The following TRIM54 variants were observed in gnomAD, a reference collection of about 807,000 sequenced individuals.
The protein encoded by TRIM54 is tripartite motif containing 54.
In TRIM54, 40 loss-of-function variants were observed where a neutral mutation model predicts 42.0. The observed-to-expected ratio is 0.95, with a 90% CI of 0.74 to 1.24. The LOEUF (loss-of-function observed/expected upper bound fraction) is 1.24. Among genes scored for constraint, TRIM54 ranks in the 50% most tolerant of loss-of-function variants. TRIM54 has a pLI of 0.00. For synonymous variants in TRIM54, 199 were observed against 194.9 expected (o/e 1.02, Z -0.17); for missense variants, 485 against 480.3 (o/e 1.01, Z -0.09).
chr2:27,298,673 T>A lies in TRIM54; in HGVS notation c.275T>A (p.Val92Asp). 1 of 1,614,146 alleles carries A rather than the reference T, an allele frequency of 6.2e-7. No homozygotes were observed. The highest frequency in any genetic ancestry group is 8.5e-7 in the Non-Finnish European group (1 of 1,180,012). ...GAGGTTGTCCTGGACAGACACGGTG[T>A]CTACGGCCTGCAGCGAAACCTGCTA... ...RHEVVLDRHG[V>D]YGLQRNLLVE... Residue 92 changes from valine to aspartate, a missense_variant, in exon 2 of 9, where the codon GTC becomes GAC. Coordinates refer to ENST00000380075, the MANE Select transcript of TRIM54 (RefSeq NM_187841.3).
At chr2:27,283,784 GCACACACACACA>G (rs3073589) in intron 1 of TRIM54, among the ~76,000 whole-genome samples, 3 of 132,168 alleles carry the variant, frequency 2.3e-5, no homozygotes, top group Non-Finnish European at 4.7e-5. Flanking sequence ...ACACACGCGC[GCACACACACACA>G]CACACACACA....
At chr2:27,294,424 C>T (rs1678808632) in intron 1 of TRIM54, among the ~76,000 whole-genome samples, 2 of 152,098 alleles carry the variant, frequency 1.3e-5, no homozygotes, top group Admixed American at 1.3e-4. Context: ...CACAGCCTGG[C>T]CTAAGTTTTA....
chr2:27,301,135 CTTTT>C (rs35279593), intron 3 of TRIM54, among the ~76,000 whole-genome samples: 1 of 125,354 alleles, frequency 8.0e-6, no homozygotes, highest in South Asian at 2.6e-4. Flanking sequence ...TGGTTGCCCT[CTTTT>C]TTTTTTTTTT....
rs760142300 is a variant in TRIM54, at chr2:27,305,834, G to T, written c.843+17G>T. On this transcript the variant is annotated intron_variant, in intron 5 of 8. Transcript: ENST00000380075. ...TATCTCCAGGTGGGCTCTAGGGGAGGGTGGCAGCGCTGCACAGTGGCTGGA... is the reference window on the plus strand; with the variant it reads ...TATCTCCAGGTGGGCTCTAGGGGAGTGTGGCAGCGCTGCACAGTGGCTGGA... 7.0e-6 allele frequency: 11 copies of T among 1,565,858 alleles called. 1 individual carries two copies. In the South Asian group the frequency reaches 1.3e-4, roughly 18 times the overall value.
intron 1 of TRIM54, among the ~76,000 whole-genome samples, chr2:27,292,895 A>C (rs1304611117): frequency 6.6e-6 from 1 of 152,162 alleles, no homozygotes; most frequent in Admixed American, 6.5e-5. Context: ...GATAATTTCT[A>C]TTGCAATCTA....
rs761376399 is a variant in TRIM54, at chr2:27,306,489, A to C, written c.1025A>C (p.Asp342Ala). The change falls in exon 8 of 9, where the codon GAC (aspartate) becomes GCC (alanine). Residue 342 changes from aspartate to alanine, a missense_variant. Asp to Ala is a moderately radical substitution (Grantham distance 126). Transcript: ENST00000380075. The surrounding 1 kb of genome is among the most constrained non-coding windows in gnomAD (Gnocchi z 6.1). ...ASGEEEEVAP[D>A]GEEGSAGPEE... ...GGGGAGGAAGAGGAGGTGGCCCCAG[A>C]CGGAGAGGAGGGCAGCGCGGGGCCG... 1 of 1,585,750 alleles carries C rather than the reference A, an allele frequency of 6.3e-7. No homozygotes were observed. The highest frequency in any genetic ancestry group is 1.3e-5 in the African/African-American group (1 of 74,382).
At chr2:27,298,486 C>A in intron 1 of TRIM54, 81 bp from the exon 2 acceptor site, 6 of 1,129,096 alleles carry the variant, frequency 5.3e-6, no homozygotes, top group Non-Finnish European at 7.8e-6. Flanking sequence ...ACTCCCTAGC[C>A]CCCAAGCCCT....
At chr2:27,299,109 G>A in intron 2 of TRIM54, 136 bp from the exon 3 acceptor site, 1 of 966,098 alleles carries the variant, frequency 1.0e-6, no homozygotes, top group Non-Finnish European at 1.5e-6. Context: ...GAGCTCTGTG[G>A]AAGTACTCAC....
At position 27,306,383 on chromosome 2, in the gene TRIM54, G is replaced by T. The variant is rs770899684; in HGVS notation, c.991+46G>T. On this transcript the variant is annotated intron_variant, in intron 7 of 8. Coordinates refer to ENST00000380075, the MANE Select transcript of TRIM54 (RefSeq NM_187841.3). The surrounding 1 kb of genome is among the most constrained non-coding windows in gnomAD (Gnocchi z 6.1). ...CCGCTGAGACGGGTTCGGACCCTCTGTGTGGGGGGTGCGGCGGGCACGATG... is the reference window on the plus strand; with the variant it reads ...CCGCTGAGACGGGTTCGGACCCTCTTTGTGGGGGGTGCGGCGGGCACGATG... 5 of 1,613,722 alleles carry T rather than the reference G, an allele frequency of 3.1e-6. No individual in the cohort carries two copies. The South Asian group carries it at 5.5e-5, about 18-fold the overall frequency.
At chr2:27,286,352 T>C (rs1329294083) in intron 1 of TRIM54, among the ~76,000 whole-genome samples, 1 of 152,120 alleles carries the variant, frequency 6.6e-6, no homozygotes, top group Non-Finnish European at 1.5e-5. Context: ...TAATTCTTTT[T>C]AGAGCTGTAA....
At chr2:27,283,978 C>G (rs1423802782) in intron 1 of TRIM54, among the ~76,000 whole-genome samples, 4 of 151,954 alleles carry the variant, frequency 2.6e-5, no homozygotes, top group African/African-American at 4.8e-5. Flanking sequence ...ACCAAAAATA[C>G]AAAAATTAGC....
chr2:27,306,171 A>T lies in TRIM54; in HGVS notation c.867-42A>T, dbSNP rs764043029. On this transcript the variant is annotated intron_variant, in intron 6 of 8. Coordinates refer to ENST00000380075, the MANE Select transcript of TRIM54 (RefSeq NM_187841.3). The surrounding 1 kb of genome is among the most constrained non-coding windows in gnomAD (Gnocchi z 6.1). ...TCCACTGGCTGGGGTGGGGCTTGAG[A>T]GTGCTGGGGCATTGCCAGCTGAGTC... is the stretch of plus-strand genomic sequence containing the variant. The T allele has an allele frequency of 9.3e-6, 15 of 1,613,458 alleles. No individual in the cohort carries two copies. The highest frequency in any genetic ancestry group is 2.5e-6 in the Non-Finnish European group (3 of 1,179,884).
At chr2:27,305,993 C>T (rs753989225) in intron 5 of TRIM54, 87 bp from the exon 6 acceptor site, 95 of 1,557,812 alleles carry the variant, frequency 6.1e-5, no homozygotes, top group Non-Finnish European at 8.1e-5. Flanking sequence ...TTCCCACCTA[C>T]CCCGCAGGAC....
At chr2:27,305,321 C>G (rs1679162747) in intron 4 of TRIM54, 1 of 583,816 alleles carries the variant, frequency 1.7e-6, no homozygotes, top group Non-Finnish European at 3.1e-6. Flanking sequence ...CACCAGCTAC[C>G]TCATGGGTTC....
chr2:27,300,650 G>GTT (rs1558588718), intron 3 of TRIM54, among the ~76,000 whole-genome samples: 5 of 108,832 alleles, frequency 4.6e-5, no homozygotes, highest in Middle Eastern at 4.8e-3. Context: ...CAGGGGGATT[G>GTT]TTTGAGTCCA....
intron 1 of TRIM54, among the ~76,000 whole-genome samples, chr2:27,283,955 A>G (rs1421104347): frequency 6.6e-6 from 1 of 152,140 alleles, no homozygotes; most frequent in Admixed American, 6.5e-5. Flanking sequence ...CAATATGGTA[A>G]AACCCCATCT....
At chr2:27,283,343 A>G (rs1278355006) in intron 1 of TRIM54, among the ~76,000 whole-genome samples, 1 of 152,228 alleles carries the variant, frequency 6.6e-6, no homozygotes. Flanking sequence ...AGAAAGCTCC[A>G]TAATGGCAGT....
rs139702023 is a variant in TRIM54 at position 27,298,687 on chromosome 2, C to T, written c.289C>T (p.Arg97Ter). ...LDRHGVYGLQ[R>*]NLLVENIIDI... is the part of the protein sequence containing the mutation. ...CAGACACGGTGTCTACGGCCTGCAG[C>T]GAAACCTGCTAGTGGAGAACATTAT... Residue 97 changes from arginine (R) to a stop codon, truncating the protein, a stop_gained, in exon 2 of 9, where the codon CGA becomes TGA. Coordinates refer to ENST00000380075, the MANE Select transcript of TRIM54 (RefSeq NM_187841.3). LOFTEE classifies it high-confidence loss of function. The T allele has an allele frequency of 1.1e-5, 17 of 1,614,042 alleles. No homozygotes were observed. The highest frequency in any genetic ancestry group is 1.4e-5 in the Non-Finnish European group (16 of 1,180,030).
chr2:27,287,648 C>T (rs935461339), intron 1 of TRIM54, among the ~76,000 whole-genome samples: 68 of 151,996 alleles, frequency 4.5e-4, no homozygotes, highest in African/African-American at 1.4e-3. Flanking sequence ...CTCAGCCTTT[C>T]GTGTAGCTAG....
Sources: gnomAD v4.1 joint callset for allele counts (sites outside exome capture counted in the v4.1 genomes callset) on GRCh38, gnomAD v4.1.1 for gene constraint, Gnocchi (gnomAD v3.1) non-coding constraint, MANE v1.5 for transcripts, NCBI Gene and HGNC (gene_info 2026-07-23, HGNC 2026-07-21) for gene names.